The following KCNH6 variants were observed in gnomAD, a reference collection of about 807,000 sequenced individuals.
KCNH6 encodes potassium voltage-gated channel subfamily H member 6.
A neutral mutation model predicts 83.4 loss-of-function variants in KCNH6; 81 were observed. The ratio of observed to expected loss-of-function variants is 0.97; its 90% CI spans 0.81 to 1.17. The LOEUF (loss-of-function observed/expected upper bound fraction) is 1.17. Among genes scored for constraint, KCNH6 ranks in the 50% most tolerant of loss-of-function variants. The pLI is 0.00. For synonymous variants in KCNH6, 503 were observed against 545.6 expected, an observed-to-expected ratio of 0.92 and a Z score of 1.09; for missense variants, 1,203 against 1,290.5, an observed-to-expected ratio of 0.93 and a Z score of 1.04.
chr17:63,532,758 C>T (rs1308818353), intron 4 of KCNH6, among the ~76,000 whole-genome samples: 2 of 152,186 alleles, frequency 1.3e-5, no homozygotes, highest in Non-Finnish European at 2.9e-5. Context: ...TCCACCAGAT[C>T]TCATCTGGTG....
intron 2 of KCNH6, among the ~76,000 whole-genome samples, chr17:63,526,177 A>G (rs1379197040): frequency 1.3e-5 from 2 of 152,162 alleles, no homozygotes; most frequent in South Asian, 2.1e-4. Flanking sequence ...GAAATTGCCC[A>G]CATACCTGGT....
At position 63,533,800 on chromosome 17, in the gene KCNH6, A is replaced by T; in HGVS notation, c.676-86A>T. ...CCGTGGTCACCCACCCTCTCCCACT[A>T]CACCTTCCCCAGGCCTCAGCCCTCT... On this transcript the variant is annotated intron_variant, in intron 4 of 12. Transcript: ENST00000314672. This position sits in a 1 kb window ranked among gnomAD's most constrained non-coding sequence, Gnocchi z 4.1. 7.6e-7 allele frequency: 1 copy of T among 1,323,308 alleles called. No homozygotes were observed. The highest frequency in any genetic ancestry group is 1.0e-6 in the Non-Finnish European group (1 of 953,544). 82.0% of individuals were successfully genotyped at this position (1,323,308 alleles called of 1,614,324 possible).
In KCNH6 at chr17:63,530,376, C is replaced by A; in HGVS notation, c.509C>A (p.Thr170Lys). The A allele has an allele frequency of 6.2e-7, 1 of 1,614,218 alleles. No individual in the cohort carries two copies. Among genetic ancestry groups the A allele is most frequent in the South Asian group, 1.1e-5 (1 of 91,090 alleles). ...AGGCCAGGCGGACCAGGGCCAGGCA[C>A]AGGCAGGGGCAAGTACAGGACCATC... ...HGRPGGPGPG[T>K]GRGKYRTISQ... is the part of the protein sequence containing the mutation. The change falls in exon 4 of 13, where the codon ACA (threonine) becomes AAA (lysine). Residue 170 changes from threonine to lysine, a missense_variant. By Grantham distance (78) the Thr-to-Lys change is moderately conservative (BLOSUM62 -1). Coordinates refer to ENST00000314672, the MANE Select transcript of KCNH6 (RefSeq NM_001278919.2).
rs749064260 is a variant in KCNH6 at position 63,530,408 on chromosome 17, A to C, written c.541A>C (p.Ile181Leu). 1 of 1,614,210 alleles carries C rather than the reference A, an allele frequency of 6.2e-7. No homozygotes were observed. The highest frequency in any genetic ancestry group is 8.5e-7 in the Non-Finnish European group (1 of 1,180,036). ...GGGCAAGTACAGGACCATCAGCCAGATCCCACAGTTCACGCTCAACTTCGT... is the reference window on the plus strand; with the variant it reads ...GGGCAAGTACAGGACCATCAGCCAGCTCCCACAGTTCACGCTCAACTTCGT... ...GRGKYRTISQ[I>L]PQFTLNFVEF... The change falls in exon 4 of 13, where the codon ATC becomes CTC. Residue 181 changes from isoleucine to leucine, a missense_variant. Physicochemically the swap from Ile to Leu is conservative, Grantham distance 5. Coordinates refer to ENST00000314672, the MANE Select transcript of KCNH6 (RefSeq NM_001278919.2).
chr17:63,530,942 G>C (rs115885486), intron 4 of KCNH6, among the ~76,000 whole-genome samples: 3 of 151,080 alleles, frequency 2.0e-5, no homozygotes, highest in African/African-American at 7.4e-5. Flanking sequence ...AGCTGGTGTG[G>C]GGGGGGGTCC....
intron 2 of KCNH6, 145 bp downstream of exon 2, chr17:63,524,514 C>T (rs2031571575): frequency 1.5e-6 from 1 of 657,694 alleles, no homozygotes. Context: ...GGTTCCTCCA[C>T]AGGCATTGGA....
chr17:63,538,248 GCATTGACATGAA>G lies in KCNH6; in HGVS notation c.1687_1698del (p.Ile563_Asn566del). On this transcript the variant is annotated inframe_deletion, in exon 7 of 13. Transcript: ENST00000314672. This position sits in a 1 kb window ranked among gnomAD's most constrained non-coding sequence, Gnocchi z 4.0. ...CAGCACGCCTGGTCCTACACCAATG[GCATTGACATGAA>G]CGCGGTGAGCCCCGCCGCTCCGGCT... 1 of 1,614,134 alleles carries G rather than the reference GCATTGACATGAA, an allele frequency of 6.2e-7. No homozygotes were observed. The highest frequency in any genetic ancestry group is 1.1e-5 in the South Asian group (1 of 91,088).
At chr17:63,545,300 G>T (rs201003901) in intron 12 of KCNH6, 36 bp downstream of exon 12, 3 of 1,601,974 alleles carry the variant, frequency 1.9e-6, no homozygotes, top group South Asian at 1.1e-5. Flanking sequence ...GCTTACCTGC[G>T]AGCAGCTGCA....
chr17:63,539,882 C>T (rs905183740), intron 8 of KCNH6, among the ~76,000 whole-genome samples: 2 of 152,218 alleles, frequency 1.3e-5, no homozygotes. Context: ...CTCAAGATCC[C>T]TCCACAGTTC....
At chr17:63,543,778 G>C (rs2033003476) in intron 10 of KCNH6, 118 bp downstream of exon 10, 1 of 705,816 alleles carries the variant, frequency 1.4e-6, no homozygotes, top group African/African-American at 1.7e-5. Context: ...GTGGAGAGGG[G>C]CTCCCTCTCT....
At chr17:63,532,881 G>C (rs1254426868) in intron 4 of KCNH6, among the ~76,000 whole-genome samples, 1 of 152,050 alleles carries the variant, frequency 6.6e-6, no homozygotes, top group East Asian at 1.9e-4. Flanking sequence ...AGCAGCACCT[G>C]CCATCTCCAT....
rs779105220 is a variant in KCNH6, at chr17:63,532,125, G to A, written c.675+1583G>A. Reference sequence around the variant, plus strand: ...TTGGAGGCAGTGGGAGATTTTGGGGGTCCCCCTGTCTGGGGGCCCTGAGAA... The same window carrying A: ...TTGGAGGCAGTGGGAGATTTTGGGGATCCCCCTGTCTGGGGGCCCTGAGAA... On this transcript the variant is annotated intron_variant, in intron 4 of 12. Transcript: ENST00000314672. Among the ~76,000 whole-genome samples the A allele has an allele frequency of 3.9e-4, 59 of 152,086 alleles. 1 individual carries two copies. The highest frequency in any genetic ancestry group is 3.2e-3 in the Middle Eastern group (1 of 316).
At chr17:63,542,114 C>A in intron 8 of KCNH6, 127 bp from the exon 9 acceptor site, 1 of 924,544 alleles carries the variant, frequency 1.1e-6, no homozygotes. Context: ...GTCCCCAGAG[C>A]TCTATCCCAG....
In KCNH6 at chr17:63,535,627, A is replaced by C; in HGVS notation, c.1102-42A>C. The stretch of plus-strand genomic sequence containing the variant: ...AAGCAGGCCTGACTGCACCCTTCCA[A>C]GGGCTGACCCCAGCCCTGTGACCAT... On this transcript the variant is annotated intron_variant, in intron 5 of 12. Transcript: ENST00000314672. This position sits in a 1 kb window ranked among gnomAD's most constrained non-coding sequence, Gnocchi z 4.9. The C allele has an allele frequency of 6.4e-7, 1 of 1,551,628 alleles. No individual in the cohort carries two copies. The highest frequency in any genetic ancestry group is 8.7e-7 in the Non-Finnish European group (1 of 1,145,490).
Position 63,533,180 on chromosome 17 carries a change from G to A in KCNH6, c.676-706G>A, listed in dbSNP as rs770383991. 9.9e-5 allele frequency among the ~76,000 whole-genome samples: 15 copies of A among 151,280 alleles called. No homozygotes were observed. The highest frequency in any genetic ancestry group is 2.2e-4 in the Non-Finnish European group (15 of 67,816). Reference sequence around the variant, plus strand: ...TGCTGGGACCTAGAGATCCTGGGTTGATCACAGTCTTGGAGGCGGGGGCGG... The same window carrying A: ...TGCTGGGACCTAGAGATCCTGGGTTAATCACAGTCTTGGAGGCGGGGGCGG... On this transcript the variant is annotated intron_variant, in intron 4 of 12. Coordinates refer to ENST00000314672, the MANE Select transcript of KCNH6 (RefSeq NM_001278919.2). The surrounding 1 kb of genome is among the most constrained non-coding windows in gnomAD (Gnocchi z 4.1).
rs1231393909 is a variant in KCNH6, at chr17:63,523,777, C to T, written c.76+288C>T. On this transcript the variant is annotated intron_variant, in intron 1 of 12. Transcript: ENST00000314672. This position sits in a 1 kb window ranked among gnomAD's most constrained non-coding sequence, Gnocchi z 4.2. ...TCGAACCTCCCCTTCCAGCCACTGC[C>T]TGCCCCCTCATCCGCGTCCTCCAGA... Among the ~76,000 whole-genome samples the T allele has an allele frequency of 2.0e-5, 3 of 152,086 alleles. No individual in the cohort carries two copies. The highest frequency in any genetic ancestry group is 7.2e-5 in the African/African-American group (3 of 41,392).
chr17:63,545,580 G>A, intron 12 of KCNH6, 29 bp from the exon 13 acceptor site: 2 of 1,597,848 alleles, frequency 1.3e-6, no homozygotes. Flanking sequence ...CCTGGCCTGG[G>A]GTGCATCCCT....
At position 63,538,791 on chromosome 17, in the gene KCNH6, C is replaced by G; in HGVS notation, c.1954+129C>G. The G allele has an allele frequency of 2.0e-6, 2 of 976,944 alleles. No homozygotes were observed. The highest frequency in any genetic ancestry group is 3.0e-6 in the Non-Finnish European group (2 of 672,056). 60.5% of individuals were successfully genotyped at this position (976,944 alleles called of 1,614,324 possible). ...CTTTTACTGGCAGCCACTTGCACAG[C>G]ATGTGCCCGGGAGAGCTTTAGACCC... On this transcript the variant is annotated intron_variant, in intron 8 of 12. Transcript: ENST00000314672. This position sits in a 1 kb window ranked among gnomAD's most constrained non-coding sequence, Gnocchi z 4.0.
intron 2 of KCNH6, among the ~76,000 whole-genome samples, chr17:63,525,587 T>A (rs1391468622): frequency 6.6e-6 from 1 of 152,258 alleles, no homozygotes; most frequent in East Asian, 1.9e-4. Flanking sequence ...TGCTTGCATG[T>A]GTGTGCCTCT....
Sources: allele counts gnomAD v4.1 joint callset (sites outside exome capture counted in the v4.1 genomes callset), GRCh38; gene constraint gnomAD v4.1.1; non-coding constraint Gnocchi (gnomAD v3.1); transcripts MANE v1.5; gene names NCBI Gene and HGNC (gene_info 2026-07-23, HGNC 2026-07-21).